Variants in PTPN22 observed in about 807,000 individuals in gnomAD.
PTPN22 encodes the protein tyrosine-protein phosphatase non-receptor type 22.
PTPN22 carries 85 observed loss-of-function variants against 103.3 expected under a neutral mutation model. The ratio of observed to expected loss-of-function variants is 0.82; its 90% CI spans 0.69 to 0.99. PTPN22 has a LOEUF of 0.99. Among genes scored for constraint, PTPN22 ranks in the 50% least tolerant of loss-of-function variants. The pLI, the probability that PTPN22 is intolerant of heterozygous loss-of-function variation, is 0.00. For synonymous variants in PTPN22, 323 were observed against 310.2 expected, an observed-to-expected ratio of 1.04 and a Z score of -0.43; for missense variants, 865 against 936.9, an observed-to-expected ratio of 0.92 and a Z score of 1.00.
At chr1:113,816,604 T>C (rs1279694621) in intron 20 of PTPN22, among the ~76,000 whole-genome samples, 1 of 151,862 alleles carries the variant, frequency 6.6e-6, no homozygotes, top group Non-Finnish European at 1.5e-5. Flanking sequence ...ACTACTCAAA[T>C]GTTGCTTAAA....
intron 11 of PTPN22, among the ~76,000 whole-genome samples, chr1:113,848,003 G>C (rs1258259106): frequency 6.6e-6 from 1 of 152,022 alleles, no homozygotes; most frequent in Non-Finnish European, 1.5e-5. Flanking sequence ...CCAAAGTGCT[G>C]GGATTACAGG....
intron 4 of PTPN22, among the ~76,000 whole-genome samples, chr1:113,858,232 A>G (rs888097441): frequency 3.3e-5 from 5 of 151,764 alleles, no homozygotes; most frequent in Non-Finnish European, 7.4e-5. Context: ...TAATTTTTGT[A>G]TTTTTTGTAG....
chr1:113,825,197 G>GTT, intron 18 of PTPN22, 25 bp from the exon 19 acceptor site: 3 of 1,409,592 alleles, frequency 2.1e-6, no homozygotes, highest in Non-Finnish European at 1.9e-6. Context: ...AAAAATGTTA[G>GTT]TTTTTTTTCC....
chr1:113,824,417 A>AT (rs1197993095), intron 19 of PTPN22, among the ~76,000 whole-genome samples: 1 of 152,050 alleles, frequency 6.6e-6, no homozygotes, highest in South Asian at 2.1e-4. Context: ...TGGTTTTTAT[A>AT]TTTTTTATTT....
At chr1:113,866,031 C>T (rs1292962804) in intron 1 of PTPN22, among the ~76,000 whole-genome samples, 1 of 152,174 alleles carries the variant, frequency 6.6e-6, no homozygotes, top group Non-Finnish European at 1.5e-5. Flanking sequence ...TTCAGTTCCA[C>T]CACTTACTAG....
chr1:113,865,832 T>C (rs1209607815), intron 1 of PTPN22, among the ~76,000 whole-genome samples: 2 of 152,240 alleles, frequency 1.3e-5, no homozygotes, highest in African/African-American at 4.8e-5. Flanking sequence ...TATTACTATG[T>C]CTCAGGAAGT....
Position 113,854,350 on chromosome 1 carries a change from T to A in PTPN22, c.750+121A>T, listed in dbSNP as rs748618100. The A allele has an allele frequency of 2.2e-5, 21 of 969,616 alleles. No homozygotes were observed. The South Asian group carries it at 2.8e-4, about 13-fold the overall frequency. The allele number at this position is 969,616 out of a possible 1,614,324, so 60.1% of individuals were successfully genotyped here. On this transcript the variant is annotated intron_variant, in intron 9 of 20. Transcript: ENST00000359785. ...ATTTAATCGTCTGACAGAGTGGGTCTACAAGTACATTTTCTAGAAAAGATG... is the reference window on the plus strand; with the variant it reads ...ATTTAATCGTCTGACAGAGTGGGTCAACAAGTACATTTTCTAGAAAAGATG...
intron 20 of PTPN22, among the ~76,000 whole-genome samples, chr1:113,818,819 C>T (rs867041366): frequency 1.6e-4 from 25 of 152,214 alleles, no homozygotes; most frequent in Admixed American, 1.0e-3. Flanking sequence ...GGAGGCCACA[C>T]CTCCACTTTT....
intron 2 of PTPN22, 58 bp downstream of exon 2, chr1:113,859,294 G>T: frequency 6.4e-7 from 1 of 1,561,674 alleles, no homozygotes; most frequent in Non-Finnish European, 8.8e-7. Context: ...GGTACAAAGA[G>T]ATAGTAATGA....
intron 11 of PTPN22, among the ~76,000 whole-genome samples, chr1:113,843,526 A>G (rs541903639): frequency 6.6e-6 from 1 of 152,172 alleles, no homozygotes; most frequent in Non-Finnish European, 1.5e-5. Context: ...GCCAGGGGCC[A>G]GTGGGAGGGG....
chr1:113,859,166 T>C (rs1665353168), intron 2 of PTPN22, 88 bp from the exon 3 acceptor site: 1 of 1,573,000 alleles, frequency 6.4e-7, no homozygotes, highest in African/African-American at 1.4e-5. Context: ...TAGTGTATGC[T>C]CATGAGTGAA....
intron 2 of PTPN22, 58 bp from the exon 3 acceptor site, chr1:113,859,136 T>C (rs1042197474): frequency 1.9e-6 from 3 of 1,599,860 alleles, no homozygotes; most frequent in African/African-American, 1.3e-5. Context: ...CAGATTTAAA[T>C]CAGGGCCTAA....
intron 20 of PTPN22, among the ~76,000 whole-genome samples, chr1:113,817,081 A>G (rs1314397410): frequency 6.6e-6 from 1 of 152,108 alleles, no homozygotes; most frequent in African/African-American, 2.4e-5. Flanking sequence ...TGTACATTTT[A>G]CTCTTCCGAG....
chr1:113,859,330 T>G lies in PTPN22; in HGVS notation c.196+22A>C, dbSNP rs376978801. The G allele has an allele frequency of 4.2e-5, 67 of 1,591,232 alleles. No homozygotes were observed. The East Asian group carries it at 5.6e-4, about 13-fold the overall frequency. On this transcript the variant is annotated intron_variant, in intron 2 of 20. Transcript: ENST00000359785. The stretch of plus-strand genomic sequence containing the variant: ...TTGAATTTGGGAGAAAGTATGAGTT[T>G]ATAGAGAGAAATGGAACTTACAGGG...
At chr1:113,826,449 CAG>C in intron 18 of PTPN22, among the ~76,000 whole-genome samples, 1 of 116,108 alleles carries the variant, frequency 8.6e-6, no homozygotes, top group East Asian at 2.1e-4. Context: ...GGAAGGGACT[CAG>C]AGGGGTAGAG....
At chr1:113,845,906 T>G (rs1397421617) in intron 11 of PTPN22, among the ~76,000 whole-genome samples, 3 of 152,244 alleles carry the variant, frequency 2.0e-5, no homozygotes, top group African/African-American at 7.2e-5. Context: ...GTCTTTGCTC[T>G]GAAGTCTACT....
intron 19 of PTPN22, among the ~76,000 whole-genome samples, chr1:113,821,401 A>G (rs1438469192): frequency 6.6e-6 from 1 of 151,934 alleles, no homozygotes; most frequent in East Asian, 1.9e-4. Context: ...GGCTCACCAC[A>G]ACCACCGCCT....
chr1:113,863,926 TA>T (rs60058910), intron 1 of PTPN22, among the ~76,000 whole-genome samples: 11,468 of 47,634 alleles, frequency 0.24, 488 homozygotes, highest in African/African-American at 0.42. Flanking sequence ...TATATATATA[TA>T]TTTTTTTTTG....
intron 10 of PTPN22, among the ~76,000 whole-genome samples, chr1:113,850,053 T>C (rs375390785): frequency 1.3e-4 from 20 of 152,004 alleles, no homozygotes; most frequent in African/African-American, 4.1e-4. Flanking sequence ...AAAAATTAGC[T>C]GGGCATGGTG....
Sources: allele counts gnomAD v4.1 joint callset (sites outside exome capture counted in the v4.1 genomes callset), GRCh38; gene constraint gnomAD v4.1.1; transcripts MANE v1.5; gene names NCBI Gene and HGNC (gene_info 2026-07-23, HGNC 2026-07-21).